ARHGAP18: variants seen among roughly 807,000 people sequenced by gnomAD.
The protein encoded by ARHGAP18 is Rho GTPase activating protein 18, also known as rho GTPase-activating protein 18.
A neutral mutation model predicts 86.2 loss-of-function variants in ARHGAP18; 67 were observed. That is an observed-to-expected ratio of 0.78 (90% CI 0.64 to 0.95). The LOEUF (loss-of-function observed/expected upper bound fraction) is 0.95. Ranked by LOEUF, ARHGAP18 falls within the 40% of genes least tolerant of loss-of-function variation. The pLI, the probability that ARHGAP18 is intolerant of heterozygous loss-of-function variation, is 0.00. For missense variants in ARHGAP18, 691 were observed against 780.4 expected (o/e 0.89, Z 1.37); for synonymous variants, 283 against 280.4 (o/e 1.01, Z -0.09).
chr6:129,679,266 G>C (rs1350039193), intron 1 of ARHGAP18, among the ~76,000 whole-genome samples: 1 of 152,144 alleles, frequency 6.6e-6, no homozygotes, highest in East Asian at 1.9e-4. Context: ...GTCTAAACTA[G>C]TGCCATCTGT....
chr6:129,696,988 A>G (rs1774628123), intron 1 of ARHGAP18, among the ~76,000 whole-genome samples: 1 of 152,180 alleles, frequency 6.6e-6, no homozygotes, highest in Non-Finnish European at 1.5e-5. Flanking sequence ...TTGGCCTATG[A>G]TTAATTGGCC....
intron 1 of ARHGAP18, among the ~76,000 whole-genome samples, chr6:129,689,282 G>A (rs556795942): frequency 6.6e-6 from 1 of 152,088 alleles, no homozygotes; most frequent in African/African-American, 2.4e-5. Context: ...TTTTTTGGTT[G>A]CTTGGATGGT....
chr6:129,579,194 C>T (rs1584015850), intron 14 of ARHGAP18, among the ~76,000 whole-genome samples: 2 of 152,062 alleles, frequency 1.3e-5, no homozygotes, highest in East Asian at 3.9e-4. Context: ...TTGAATCCAC[C>T]TAAGAAACTA....
At chr6:129,643,384 A>C (rs549391231) in intron 1 of ARHGAP18, among the ~76,000 whole-genome samples, 100 of 152,282 alleles carry the variant, frequency 6.6e-4, no homozygotes, top group Non-Finnish European at 1.2e-3. Context: ...TGGTTTCATA[A>C]GGGGCTTTTC....
In ARHGAP18 at chr6:129,600,645, C is replaced by A; in HGVS notation, c.1569G>T (p.Trp523Cys). The change falls in exon 11 of 15, where the codon TGG becomes TGT. Residue 523 changes from tryptophan (W) to cysteine (C), a missense_variant. Coordinates refer to ENST00000368149, the MANE Select transcript of ARHGAP18 (RefSeq NM_033515.3). ...HLLIKYQKLL[W>C]TIPKFIVNQV... ...AAAGCATATGATATATACTTACTGTCCACAGAAGTTTTTGGTACTTAATCA... is the reference window on the plus strand; with the variant it reads ...AAAGCATATGATATATACTTACTGTACACAGAAGTTTTTGGTACTTAATCA... 2 of 1,612,654 alleles carry A rather than the reference C, an allele frequency of 1.2e-6. No homozygotes were observed. Among genetic ancestry groups the A allele is most frequent in the Non-Finnish European group, 1.7e-6 (2 of 1,179,022 alleles).
intron 12 of ARHGAP18, among the ~76,000 whole-genome samples, chr6:129,598,680 C>A (rs1788669062): frequency 6.6e-6 from 1 of 151,774 alleles, no homozygotes; most frequent in Non-Finnish European, 1.5e-5. Flanking sequence ...TTTTTTCTTT[C>A]CAATTTAGCT....
intron 12 of ARHGAP18, among the ~76,000 whole-genome samples, chr6:129,591,627 A>G (rs1438029475): frequency 2.6e-5 from 4 of 152,194 alleles, no homozygotes; most frequent in African/African-American, 9.6e-5. Context: ...AAGGTATCTA[A>G]AAACACTGCA....
At chr6:129,666,744 A>G (rs1389498820) in intron 1 of ARHGAP18, among the ~76,000 whole-genome samples, 2 of 152,218 alleles carry the variant, frequency 1.3e-5, no homozygotes, top group African/African-American at 2.4e-5. Context: ...TTAGAAGTAG[A>G]GATCAAAAAC....
intron 6 of ARHGAP18, among the ~76,000 whole-genome samples, chr6:129,617,839 C>A (rs1444756755): frequency 6.6e-6 from 1 of 152,106 alleles, no homozygotes; most frequent in African/African-American, 2.4e-5. Flanking sequence ...GAGTAATTGC[C>A]TCTAAAACCT....
intron 5 of ARHGAP18, among the ~76,000 whole-genome samples, chr6:129,619,074 G>C (rs911406556): frequency 1.3e-5 from 2 of 150,488 alleles, no homozygotes; most frequent in Non-Finnish European, 3.0e-5. Flanking sequence ...CAGACAACGG[G>C]AACAGACCGC....
chr6:129,632,654 C>T (rs1056318953), intron 4 of ARHGAP18, among the ~76,000 whole-genome samples: 1 of 152,082 alleles, frequency 6.6e-6, no homozygotes, highest in Admixed American at 6.6e-5. Context: ...GAGAAAACAC[C>T]TAGTGATTTC....
At chr6:129,604,556 C>T (rs1446344761) in intron 10 of ARHGAP18, among the ~76,000 whole-genome samples, 1 of 152,158 alleles carries the variant, frequency 6.6e-6, no homozygotes, top group African/African-American at 2.4e-5. Flanking sequence ...GGGAGCACTG[C>T]TGACAAGCTG....
intron 1 of ARHGAP18, among the ~76,000 whole-genome samples, chr6:129,698,609 C>T (rs1383113116): frequency 6.7e-6 from 1 of 149,292 alleles, no homozygotes; most frequent in Non-Finnish European, 1.5e-5. Flanking sequence ...GTAACGAGAT[C>T]TTGGCTAACT....
At chr6:129,701,954 A>G (rs541799377) in intron 1 of ARHGAP18, among the ~76,000 whole-genome samples, 3 of 152,260 alleles carry the variant, frequency 2.0e-5, no homozygotes, top group Admixed American at 2.0e-4. Context: ...TCTCCAAGAG[A>G]ACAGAAATGC....
At chr6:129,683,454 C>T (rs12210003) in intron 1 of ARHGAP18, among the ~76,000 whole-genome samples, 29,848 of 152,070 alleles carry the variant, frequency 0.2, 3,204 homozygotes, top group South Asian at 0.31. Flanking sequence ...CTTTTTTTCC[C>T]GTAGAAATGA....
intron 12 of ARHGAP18, among the ~76,000 whole-genome samples, chr6:129,584,561 A>C (rs1788353983): frequency 6.6e-6 from 1 of 152,168 alleles, no homozygotes; most frequent in African/African-American, 2.4e-5. Flanking sequence ...TAAAAAAGAA[A>C]CATACTTTTC....
At chr6:129,663,247 C>A (rs1201606742) in intron 1 of ARHGAP18, among the ~76,000 whole-genome samples, 1 of 152,200 alleles carries the variant, frequency 6.6e-6, no homozygotes, top group African/African-American at 2.4e-5. Flanking sequence ...CATTCTCAAC[C>A]TATCTAAGCT....
intron 6 of ARHGAP18, among the ~76,000 whole-genome samples, chr6:129,617,076 T>C (rs1455128864): frequency 6.6e-6 from 1 of 152,192 alleles, no homozygotes; most frequent in Non-Finnish European, 1.5e-5. Context: ...ATGATCTTGT[T>C]CTACAAATGT....
At chr6:129,675,449 A>G (rs912128689) in intron 1 of ARHGAP18, among the ~76,000 whole-genome samples, 6 of 151,490 alleles carry the variant, frequency 4.0e-5, no homozygotes, top group Non-Finnish European at 8.8e-5. Flanking sequence ...CACACTGATG[A>G]GCTACATAAC....
Sources: allele counts gnomAD v4.1 joint callset (sites outside exome capture counted in the v4.1 genomes callset), GRCh38; gene constraint gnomAD v4.1.1; transcripts MANE v1.5; gene names NCBI Gene and HGNC (gene_info 2026-07-23, HGNC 2026-07-21).